The following SATB1 variants were observed in gnomAD, a reference collection of about 807,000 sequenced individuals.
The protein encoded by SATB1 is SATB homeobox 1.
A neutral mutation model predicts 86.9 loss-of-function variants in SATB1; 11 were observed. The ratio of observed to expected loss-of-function variants is 0.13; its 90% CI spans 0.08 to 0.21. SATB1 has a LOEUF of 0.21. Ranked by LOEUF, SATB1 falls within the 10% of genes least tolerant of loss-of-function variation. The pLI is 1.00. For missense variants in SATB1, 551 were observed against 937.6 expected, an observed-to-expected ratio of 0.59 and a Z score of 5.39; for synonymous variants, 357 against 357.2, an observed-to-expected ratio of 1.00 and a Z score of 0.01.
intron 9 of SATB1, among the ~76,000 whole-genome samples, chr3:18,374,891 C>A (rs545766010): frequency 6.6e-6 from 1 of 152,294 alleles, no homozygotes; most frequent in African/African-American, 2.4e-5. Context: ...TTTAAAAGCT[C>A]TTTTGCATAC....
chr3:18,397,648 C>T (rs1468158286), intron 5 of SATB1, among the ~76,000 whole-genome samples: 9 of 152,118 alleles, frequency 5.9e-5, no homozygotes, highest in Admixed American at 3.3e-4. Flanking sequence ...CATAAATATA[C>T]GAGACTTCGC....
intron 5 of SATB1, among the ~76,000 whole-genome samples, chr3:18,411,753 TTTC>T (rs1418194244): frequency 2.0e-5 from 3 of 151,468 alleles, no homozygotes; most frequent in Admixed American, 6.6e-5. Flanking sequence ...GAGCTAAGTG[TTTC>T]TTATGTCTTA....
chr3:18,414,710 GT>G (rs973712877), intron 5 of SATB1, among the ~76,000 whole-genome samples: 81 of 152,164 alleles, frequency 5.3e-4, no homozygotes, highest in African/African-American at 1.9e-3. Flanking sequence ...GCACGGTGAA[GT>G]TTTACACATT....
At chr3:18,357,617 TG>T (rs1694712527) in intron 9 of SATB1, among the ~76,000 whole-genome samples, 1 of 149,914 alleles carries the variant, frequency 6.7e-6, no homozygotes, top group Admixed American at 6.7e-5. Context: ...TTCTACAAGC[TG>T]GGGGAAAATG....
Position 18,394,645 on chromosome 3 carries a change from G to C in SATB1, c.1023C>G (p.Ser341=). The C allele has an allele frequency of 6.2e-7, 1 of 1,614,142 alleles. No homozygotes were observed. The highest frequency in any genetic ancestry group is 1.6e-4 in the Middle Eastern group (1 of 6,062). The change falls in exon 7 of 11, where the codon TCC becomes TCG. Residue 341 remains serine, a synonymous_variant. Transcript: ENST00000338745. This position sits in a 1 kb window ranked among gnomAD's most constrained non-coding sequence, Gnocchi z 5.9. ...YAVNRLLAQQ[S]LNQQYLNHPP... is the part of the protein sequence containing the mutation. ...GGTGGTTCAAGTATTGTTGGTTTAA[G>C]GACTGCTGGGCTAAAAGTCTATTCA... is the stretch of plus-strand genomic sequence containing the variant.
chr3:18,414,532 G>C (rs1698021659), intron 5 of SATB1, among the ~76,000 whole-genome samples: 1 of 151,816 alleles, frequency 6.6e-6, no homozygotes, highest in African/African-American at 2.4e-5. Context: ...TAAAAAAACA[G>C]AAAAGAAGTA....
chr3:18,358,407 C>A (rs1485245196), intron 9 of SATB1, among the ~76,000 whole-genome samples: 1 of 151,986 alleles, frequency 6.6e-6, no homozygotes, highest in Non-Finnish European at 1.5e-5. Flanking sequence ...GATACATGTT[C>A]TCCTCTATGG....
chr3:18,427,188 C>T (rs573633545), upstream of SATB1, among the ~76,000 whole-genome samples: 30 of 152,230 alleles, frequency 2.0e-4, no homozygotes, highest in South Asian at 3.3e-3. Flanking sequence ...GATATGTTAG[C>T]TAAAGTATAA....
In SATB1 at chr3:18,445,307, G is replaced by C. The variant is rs1479930537; in HGVS notation, c.-25+211C>G. 7 of 985,978 alleles carry C rather than the reference G, an allele frequency of 7.1e-6. No homozygotes were observed. In the African/African-American group the frequency reaches 1.2e-4, roughly 17 times the overall value. The allele number at this position is 985,978 out of a possible 1,614,324, so 61.1% of individuals were successfully genotyped here. ...AGCCCGAGCCGCCGCCGCCGCCGCC[G>C]CTGCTGCGCACCGCTCCCGGGCTCC... On this transcript the variant is annotated intron_variant, in intron 1 of 3. Coordinates refer to the SATB1 transcript ENST00000415069.
upstream of SATB1, chr3:18,425,471 C>G (rs1302957704): frequency 1.3e-5 from 2 of 149,272 alleles, no homozygotes; most frequent in African/African-American, 2.5e-5. Flanking sequence ...GGGATTAAAA[C>G]CCGGGCTGGA....
At chr3:18,357,058 A>C (rs1185940523) in intron 9 of SATB1, among the ~76,000 whole-genome samples, 1 of 151,910 alleles carries the variant, frequency 6.6e-6, no homozygotes, top group Non-Finnish European at 1.5e-5. Context: ...TTCTTACTGC[A>C]ACTAAGAAGG....
intron 7 of SATB1, among the ~76,000 whole-genome samples, chr3:18,391,010 ATCT>A (rs1696634477): frequency 6.6e-6 from 1 of 152,220 alleles, no homozygotes; most frequent in South Asian, 2.1e-4. Flanking sequence ...AAAAGCTGAT[ATCT>A]TCAACGGCAA....
intron 5 of SATB1, among the ~76,000 whole-genome samples, chr3:18,405,591 T>C (rs1000950830): frequency 6.6e-6 from 1 of 151,982 alleles, no homozygotes; most frequent in Non-Finnish European, 1.5e-5. Flanking sequence ...TTTTAAGCCA[T>C]ACTGCCTAAA....
chr3:18,367,431 A>G (rs1695240014), intron 9 of SATB1, among the ~76,000 whole-genome samples: 1 of 152,194 alleles, frequency 6.6e-6, no homozygotes, highest in Non-Finnish European at 1.5e-5. Context: ...AAGATATGAG[A>G]GCACTGAAGA....
At chr3:18,372,986 G>A (rs1575106235) in intron 9 of SATB1, among the ~76,000 whole-genome samples, 1 of 152,150 alleles carries the variant, frequency 6.6e-6, no homozygotes, top group African/African-American at 2.4e-5. Flanking sequence ...GAGATGCAGG[G>A]ACCACACTCT....
upstream of SATB1, among the ~76,000 whole-genome samples, chr3:18,443,365 T>C (rs1699290161): frequency 1.3e-5 from 2 of 152,250 alleles, no homozygotes; most frequent in Admixed American, 6.5e-5. The surrounding 1 kb of genome is among the most constrained non-coding windows in gnomAD (Gnocchi z 4.4). Flanking sequence ...CTGTTTTCCC[T>C]GTCTCTTTTA....
chr3:18,426,288 G>A (rs1441097233), upstream of SATB1, among the ~76,000 whole-genome samples: 1 of 152,190 alleles, frequency 6.6e-6, no homozygotes, highest in African/African-American at 2.4e-5. This position sits in a 1 kb window ranked among gnomAD's most constrained non-coding sequence, Gnocchi z 4.2. Flanking sequence ...CCTCACTTCT[G>A]AGCCATAGAA....
intron 5 of SATB1, among the ~76,000 whole-genome samples, chr3:18,405,426 C>T (rs1697475847): frequency 6.6e-6 from 1 of 151,740 alleles, no homozygotes; most frequent in African/African-American, 2.4e-5. Context: ...AAAACAAAAC[C>T]AAAAAACCCT....
At chr3:18,422,943 T>A (rs1164156392) in intron 1 of SATB1, among the ~76,000 whole-genome samples, 1 of 152,202 alleles carries the variant, frequency 6.6e-6, no homozygotes, top group African/African-American at 2.4e-5. Context: ...CATGAAAAAC[T>A]GTCCTTTGAA....
Sources: allele counts gnomAD v4.1 joint callset (sites outside exome capture counted in the v4.1 genomes callset), GRCh38; gene constraint gnomAD v4.1.1; non-coding constraint Gnocchi (gnomAD v3.1); transcripts MANE v1.5; gene names NCBI Gene and HGNC (gene_info 2026-07-23, HGNC 2026-07-21).